The following CLEC17A variants were observed in gnomAD, a reference collection of about 807,000 sequenced individuals.
CLEC17A encodes the protein C-type lectin domain containing 17A.
A neutral mutation model predicts 61.3 loss-of-function variants in CLEC17A; 37 were observed. That is an observed-to-expected ratio of 0.60 (90% CI 0.46 to 0.79). CLEC17A has a LOEUF of 0.79. CLEC17A is among the 30% of genes least tolerant of loss of function. The pLI is 0.00. For synonymous variants in CLEC17A, 168 were observed against 164.9 expected, an observed-to-expected ratio of 1.02 and a Z score of -0.14; for missense variants, 418 against 464.7, an observed-to-expected ratio of 0.90 and a Z score of 0.92.
chr19:14,582,379 A>AT (rs1259288287), upstream of CLEC17A, among the ~76,000 whole-genome samples: 1 of 151,266 alleles, frequency 6.6e-6, no homozygotes. Flanking sequence ...CACCCAGCTA[A>AT]TTTTTTGTAT....
chr19:14,595,533 T>C (rs2074522277), intron 8 of CLEC17A, among the ~76,000 whole-genome samples: 1 of 152,252 alleles, frequency 6.6e-6, no homozygotes, highest in Admixed American at 6.5e-5. Context: ...TTTTTGTCCT[T>C]CTGAGGACCA....
In CLEC17A at chr19:14,610,170, A is replaced by G. The variant is rs1171523317; in HGVS notation, c.1111A>G (p.Ile371Val). 6.3e-7 allele frequency: 1 copy of G among 1,579,818 alleles called. No individual in the cohort carries two copies. Among genetic ancestry groups the G allele is most frequent in the African/African-American group, 1.3e-5 (1 of 74,280 alleles). The change falls in exon 14 of 14, where the codon ATT (isoleucine) becomes GTT (valine). Residue 371 changes from isoleucine (I) to valine (V), a missense_variant. Transcript: ENST00000417570. ...CTCTTGCTACAAAACTACGTATTGG[A>G]TTTGTGAGCGGAAATGTTCCTGTTG... ...DLSCYKTTYW[I>V]CERKCSC
chr19:14,591,612 G>A (rs2074421471), intron 3 of CLEC17A, among the ~76,000 whole-genome samples: 1 of 149,932 alleles, frequency 6.7e-6, no homozygotes, highest in African/African-American at 2.5e-5. Context: ...GGAGTGCAGT[G>A]GTGCGATCTC....
chr19:14,602,901 A>C (rs552342284), intron 12 of CLEC17A, among the ~76,000 whole-genome samples: 48 of 152,014 alleles, frequency 3.2e-4, no homozygotes, highest in Non-Finnish European at 5.0e-4. Context: ...ATGCCTGGCT[A>C]ATTTTGTACT....
intron 13 of CLEC17A, 95 bp from the exon 14 acceptor site, chr19:14,609,969 G>T: frequency 1.1e-6 from 1 of 915,154 alleles, no homozygotes; most frequent in South Asian, 1.5e-5. Flanking sequence ...TTTGCCAAAT[G>T]CGTAGTGCCA....
intron 13 of CLEC17A, among the ~76,000 whole-genome samples, chr19:14,607,550 ATTATTTATTTAT>A (rs71166764): frequency 1.1e-3 from 162 of 141,486 alleles, no homozygotes; most frequent in East Asian, 3.7e-3. Flanking sequence ...ATTTTATTTT[ATTATTTATTTAT>A]TTATTTATTT....
In CLEC17A at chr19:14,611,799, C is replaced by T. The variant is rs557415966; in HGVS notation, c.*1603C>T. 2.4e-4 allele frequency among the ~76,000 whole-genome samples: 36 copies of T among 152,162 alleles called. No individual in the cohort carries two copies. Among genetic ancestry groups the T allele is most frequent in the African/African-American group, 8.2e-4 (34 of 41,536 alleles). On this transcript the variant is annotated 3_prime_UTR_variant, in exon 14 of 14. Transcript: ENST00000417570. ...GGCTGATCACCTGGGGTCAGGATTT[C>T]GAGACCAGCCTGGCCAACATGGTAA...
intron 4 of CLEC17A, 137 bp from the exon 5 acceptor site, chr19:14,594,380 A>T (rs2074493290): frequency 9.0e-7 from 1 of 1,108,156 alleles, no homozygotes; most frequent in Non-Finnish European, 1.3e-6. Flanking sequence ...CCCTAATCCC[A>T]ATTGCATTCT....
chr19:14,591,556 CTTTT>C (rs143983644), intron 3 of CLEC17A, among the ~76,000 whole-genome samples: 1 of 136,874 alleles, frequency 7.3e-6, no homozygotes, highest in African/African-American at 2.8e-5. Flanking sequence ...TCTCCTTCCT[CTTTT>C]TTTTTTTTTT....
At chr19:14,602,261 C>T (rs1599565035) in intron 12 of CLEC17A, among the ~76,000 whole-genome samples, 2 of 151,214 alleles carry the variant, frequency 1.3e-5, no homozygotes, top group South Asian at 4.2e-4. Flanking sequence ...ATCTGATAAT[C>T]TCTGGCTTTT....
At chr19:14,582,351 C>T (rs1270911591), upstream of CLEC17A, among the ~76,000 whole-genome samples, 3 of 150,704 alleles carry the variant, frequency 2.0e-5, no homozygotes, top group Non-Finnish European at 4.4e-5. Flanking sequence ...TAGCTGGGAC[C>T]ACAGGCACCC....
chr19:14,599,986 C>T, intron 11 of CLEC17A, 45 bp from the exon 12 acceptor site: 8 of 1,605,352 alleles, frequency 5.0e-6, no homozygotes, highest in African/African-American at 1.3e-5. Flanking sequence ...ATGTACATGG[C>T]TCAGGTTCTG....
chr19:14,601,968 A>G (rs1325869204), intron 12 of CLEC17A, among the ~76,000 whole-genome samples: 1 of 151,534 alleles, frequency 6.6e-6, no homozygotes, highest in East Asian at 1.9e-4. Flanking sequence ...AATTTTTTGT[A>G]TTTTTAGTAG....
chr19:14,584,068 CA>C (rs112884228), intron 2 of CLEC17A: 75 of 117,244 alleles, frequency 6.4e-4, no homozygotes, highest in East Asian at 1.8e-3. Context: ...CTATCTCTGC[CA>C]AAAAAAAAAA....
rs377482623 is a variant in CLEC17A, at chr19:14,597,095, A to G, written c.584-4A>G. On this transcript the variant is annotated splice_polypyrimidine_tract_variant and splice_region_variant and intron_variant, in intron 9 of 13. Transcript: ENST00000417570. ...CTGGGCTCAATTTGGACTCTTCTTC[A>G]TAGACCAGGAGTTGATGGAAGAACT... The G allele has an allele frequency of 4.1e-5, 66 of 1,613,016 alleles. No homozygotes were observed. The highest frequency in any genetic ancestry group is 2.7e-4 in the Admixed American group (16 of 59,826).
chr19:14,600,230 T>C (rs761647413), intron 12 of CLEC17A, 48 bp downstream of exon 12: 48 of 1,601,126 alleles, frequency 3.0e-5, no homozygotes, highest in Non-Finnish European at 4.1e-5. Flanking sequence ...GACAGCCTGC[T>C]TCTCTTCCAG....
At chr19:14,588,451 T>C (rs899815173) in intron 3 of CLEC17A, 1 of 151,698 alleles carries the variant, frequency 6.6e-6, no homozygotes, top group Non-Finnish European at 1.5e-5. Context: ...TATTGTGAAG[T>C]ATGTGATTGG....
chr19:14,589,663 G>A (rs1185350261), intron 3 of CLEC17A, among the ~76,000 whole-genome samples: 2 of 144,624 alleles, frequency 1.4e-5, no homozygotes, highest in African/African-American at 5.2e-5. Context: ...AAGTTCTGCA[G>A]AGATGACTGT....
intron 4 of CLEC17A, among the ~76,000 whole-genome samples, 194 bp downstream of exon 4, chr19:14,592,552 A>G (rs2074446284): frequency 6.6e-6 from 1 of 152,164 alleles, no homozygotes; most frequent in Non-Finnish European, 1.5e-5. Flanking sequence ...AGCCTTGGTG[A>G]GCAGGGTTGA....
Sources: gnomAD v4.1 joint callset for allele counts (sites outside exome capture counted in the v4.1 genomes callset) on GRCh38, gnomAD v4.1.1 for gene constraint, MANE v1.5 for transcripts, NCBI Gene and HGNC (gene_info 2026-07-23, HGNC 2026-07-21) for gene names.